Variants in UNC5D observed in about 807,000 individuals in gnomAD.
The protein encoded by UNC5D is unc-5 netrin receptor D.
A neutral mutation model predicts 105.4 loss-of-function variants in UNC5D; 39 were observed. That is an observed-to-expected ratio of 0.37 (90% CI 0.29 to 0.48). UNC5D has a LOEUF of 0.48. Ranked by LOEUF, UNC5D falls within the 20% of genes least tolerant of loss-of-function variation. The pLI, the probability that UNC5D is intolerant of heterozygous loss-of-function variation, is 0.98. For synonymous variants in UNC5D, 452 were observed against 450.4 expected (o/e 1.00, Z -0.04); for missense variants, 991 against 1,202.4 (o/e 0.82, Z 2.60).
At chr8:35,322,660 A>C (rs1259402883) in intron 1 of UNC5D, among the ~76,000 whole-genome samples, 2 of 152,150 alleles carry the variant, frequency 1.3e-5, no homozygotes, top group African/African-American at 4.8e-5. Context: ...AAATTTCCTT[A>C]TTTGCAATGC....
chr8:35,431,846 A>C (rs977742214), intron 1 of UNC5D, among the ~76,000 whole-genome samples: 4 of 152,114 alleles, frequency 2.6e-5, no homozygotes, highest in Non-Finnish European at 5.9e-5. Context: ...GTAATTTATG[A>C]ATTCGGATTT....
chr8:35,441,490 T>A (rs1281531725), intron 1 of UNC5D, among the ~76,000 whole-genome samples: 1 of 151,858 alleles, frequency 6.6e-6, no homozygotes, highest in African/African-American at 2.4e-5. Flanking sequence ...ATGTACCCCC[T>A]GTAGATAAGG....
intron 4 of UNC5D, among the ~76,000 whole-genome samples, chr8:35,633,524 G>A (rs943408361): frequency 6.6e-6 from 1 of 151,730 alleles, no homozygotes; most frequent in East Asian, 1.9e-4. Flanking sequence ...GAGGCGGGAG[G>A]ATCTCTCAAG....
intron 1 of UNC5D, among the ~76,000 whole-genome samples, chr8:35,375,981 C>CA (rs1394576027): frequency 3.9e-5 from 6 of 152,104 alleles, no homozygotes; most frequent in Admixed American, 3.9e-4. Flanking sequence ...GAGATGTTTC[C>CA]AGACGTTGAT....
chr8:35,661,661 T>C (rs1824112623), intron 4 of UNC5D, among the ~76,000 whole-genome samples: 1 of 152,194 alleles, frequency 6.6e-6, no homozygotes, highest in East Asian at 1.9e-4. Context: ...TGGGCCAGCC[T>C]GTTCATCATG....
chr8:35,324,412 C>T (rs1182630749), intron 1 of UNC5D, among the ~76,000 whole-genome samples: 1 of 139,694 alleles, frequency 7.2e-6, no homozygotes, highest in Non-Finnish European at 1.5e-5. Context: ...GTTTGTTGTT[C>T]ATTATGTCAT....
intron 4 of UNC5D, among the ~76,000 whole-genome samples, chr8:35,602,134 C>A (rs1278154252): frequency 6.6e-6 from 1 of 152,126 alleles, no homozygotes; most frequent in Non-Finnish European, 1.5e-5. Flanking sequence ...AGTCTGGCAT[C>A]CCAGGGATTA....
chr8:35,345,632 T>C (rs1811754145), intron 1 of UNC5D, among the ~76,000 whole-genome samples: 1 of 152,046 alleles, frequency 6.6e-6, no homozygotes, highest in Non-Finnish European at 1.5e-5. Context: ...AGAAACACAA[T>C]ATGCCAACTT....
At chr8:35,702,419 TC>T (rs1435936849) in intron 7 of UNC5D, among the ~76,000 whole-genome samples, 2 of 151,890 alleles carry the variant, frequency 1.3e-5, no homozygotes, top group African/African-American at 4.8e-5. Flanking sequence ...TTTGAAAAGC[TC>T]CCCAGGTGAT....
chr8:35,671,806 G>GT (rs1046847966), intron 4 of UNC5D, among the ~76,000 whole-genome samples: 21 of 150,348 alleles, frequency 1.4e-4, no homozygotes, highest in East Asian at 3.9e-4. Flanking sequence ...AGTCTTTTTG[G>GT]TTTTTTTTTC....
chr8:35,360,652 T>C (rs1801805795), intron 1 of UNC5D, among the ~76,000 whole-genome samples: 2 of 152,188 alleles, frequency 1.3e-5, no homozygotes, highest in African/African-American at 4.8e-5. Flanking sequence ...GTGTTGTAAG[T>C]CAAGTATGTG....
intron 1 of UNC5D, among the ~76,000 whole-genome samples, chr8:35,456,847 A>G (rs573690522): frequency 5.9e-5 from 9 of 152,330 alleles, no homozygotes; most frequent in African/African-American, 1.9e-4. Context: ...AATAGTAAAC[A>G]TGCATTATAC....
intron 3 of UNC5D, among the ~76,000 whole-genome samples, chr8:35,572,812 T>C: frequency 6.6e-6 from 1 of 150,824 alleles, no homozygotes; most frequent in Non-Finnish European, 1.5e-5. Flanking sequence ...TTCTTTTTTT[T>C]TTTTTTTTTG....
intron 7 of UNC5D, 57 bp from the exon 8 acceptor site, chr8:35,705,872 C>A (rs1195029857): frequency 9.0e-7 from 1 of 1,113,432 alleles, no homozygotes; most frequent in Non-Finnish European, 1.3e-6. Flanking sequence ...GGAAATATAT[C>A]TGCTCCATGT....
intron 4 of UNC5D, among the ~76,000 whole-genome samples, chr8:35,601,108 G>A (rs1819848917): frequency 6.6e-6 from 1 of 152,030 alleles, no homozygotes; most frequent in South Asian, 2.1e-4. Context: ...TCAGATAGTT[G>A]TAGATATGCG....
chr8:35,512,476 ATAT>A (rs1563488059), intron 1 of UNC5D, among the ~76,000 whole-genome samples: 18 of 102,938 alleles, frequency 1.7e-4, no homozygotes, highest in Non-Finnish European at 2.6e-4. Context: ...ATATATATAT[ATAT>A]ATATATATAT....
At chr8:35,444,157 C>T (rs1425962612) in intron 1 of UNC5D, among the ~76,000 whole-genome samples, 1 of 151,928 alleles carries the variant, frequency 6.6e-6, no homozygotes, top group Non-Finnish European at 1.5e-5. Context: ...AATTGGCAGT[C>T]ATTACTGAAA....
In UNC5D at chr8:35,568,252, T is replaced by C; in HGVS notation, c.466+11T>C. ...CTGTGCGCATAGCCTGTAAGTACAT[T>C]CTGGGTGACCTTGTCTTGTAGGACC... is the stretch of plus-strand genomic sequence containing the variant. On this transcript the variant is annotated intron_variant, in intron 3 of 16. Coordinates refer to ENST00000404895, the MANE Select transcript of UNC5D (RefSeq NM_080872.4). The C allele has an allele frequency of 6.2e-7, 1 of 1,612,968 alleles. No individual in the cohort carries two copies. The highest frequency in any genetic ancestry group is 8.5e-7 in the Non-Finnish European group (1 of 1,179,362).
intron 4 of UNC5D, among the ~76,000 whole-genome samples, chr8:35,663,992 T>A (rs1824270163): frequency 6.6e-6 from 1 of 152,302 alleles, no homozygotes; most frequent in African/African-American, 2.4e-5. Context: ...TTTTGTATAT[T>A]AAAAACTGGT....
Sources: gnomAD v4.1 joint callset for allele counts (sites outside exome capture counted in the v4.1 genomes callset) on GRCh38, gnomAD v4.1.1 for gene constraint, MANE v1.5 for transcripts, NCBI Gene and HGNC (gene_info 2026-07-23, HGNC 2026-07-21) for gene names.